Variants in FABP6 observed in about 807,000 individuals in gnomAD.
FABP6 encodes fatty acid binding protein 6, also known as gastrotropin.
In FABP6, 13 loss-of-function variants were observed where a neutral mutation model predicts 14.9. The observed-to-expected ratio is 0.87, with a 90% CI of 0.57 to 1.39. The LOEUF (loss-of-function observed/expected upper bound fraction) is 1.39, where lower values mean the gene tolerates loss of function less well. Ranked by LOEUF, FABP6 falls within the 40% of genes most tolerant of loss-of-function variation. The pLI, the probability that FABP6 is intolerant of heterozygous loss-of-function variation, is 0.00. For missense variants in FABP6, 161 were observed against 167.2 expected (o/e 0.96, Z 0.20); for synonymous variants, 75 against 63.6 (o/e 1.18, Z -0.85).
intron 3 of FABP6, 92 bp from the exon 4 acceptor site, chr5:160,238,514 G>C (rs543092114): frequency 9.2e-7 from 1 of 1,084,400 alleles, no homozygotes; most frequent in South Asian, 1.3e-5. Context: ...TCTACTCAAG[G>C]CCGGGGTTGG....
intron 2 of FABP6, chr5:160,204,686 T>C (rs1214510689): frequency 1.3e-5 from 2 of 152,252 alleles, no homozygotes; most frequent in Admixed American, 1.3e-4. Context: ...AGACGGGGTT[T>C]CGCCATATTG....
intron 2 of FABP6, among the ~76,000 whole-genome samples, chr5:160,205,595 C>G (rs1424043575): frequency 2.6e-5 from 4 of 152,214 alleles, no homozygotes. Context: ...CTTAGTCCCT[C>G]TGATGGAGAT....
intron 1 of FABP6, among the ~76,000 whole-genome samples, chr5:160,189,865 T>G (rs1759361610): frequency 6.6e-6 from 1 of 152,210 alleles, no homozygotes; most frequent in Admixed American, 6.6e-5. Flanking sequence ...AGATGTGGAC[T>G]TAGAGATTTG....
At chr5:160,199,292 C>G in intron 2 of FABP6, 1 of 863,400 alleles carries the variant, frequency 1.2e-6, no homozygotes, top group Non-Finnish European at 1.9e-6. Context: ...GTCATGGCTC[C>G]AAAGCCCTTT....
intron 2 of FABP6, among the ~76,000 whole-genome samples, chr5:160,202,410 A>T (rs1010900222): frequency 6.6e-6 from 1 of 152,220 alleles, no homozygotes; most frequent in African/African-American, 2.4e-5. Flanking sequence ...CTCCATACTG[A>T]TCAACATGGC....
At position 160,232,273 on chromosome 5, in the gene FABP6, G is replaced by C; in HGVS notation, c.243G>C (p.Lys81Asn). ...AGACAATGGGGGGCAAGACGTTCAA[G>C]GTGAGAGGCCACTGGCTGTCCCCCT... The part of the protein sequence containing the change: ...NIQTMGGKTF[K>N]ATVQMEGGKL... Residue 81 changes from lysine to asparagine, a missense_variant and splice_region_variant, in exon 2 of 4, where the codon AAG becomes AAC. Coordinates refer to ENST00000402432, the MANE Select transcript of FABP6 (RefSeq NM_001445.3). 6.2e-7 allele frequency: 1 copy of C among 1,600,118 alleles called. No individual in the cohort carries two copies. Among genetic ancestry groups the C allele is most frequent in the East Asian group, 2.3e-5 (1 of 43,980 alleles).
intron 3 of FABP6, among the ~76,000 whole-genome samples, 170 bp downstream of exon 3, chr5:160,235,079 CT>C (rs1396932403): frequency 2.6e-5 from 4 of 152,210 alleles, no homozygotes; most frequent in African/African-American, 9.7e-5. Context: ...CAAAATAACC[CT>C]GTTAGGTGGG....
chr5:160,192,845 C>T (rs1759425265), intron 1 of FABP6, among the ~76,000 whole-genome samples: 2 of 152,256 alleles, frequency 1.3e-5, no homozygotes. Flanking sequence ...GGGTTGATGG[C>T]TCATGCCTGT....
chr5:160,203,521 G>A (rs1454929462), intron 2 of FABP6, among the ~76,000 whole-genome samples: 1 of 151,952 alleles, frequency 6.6e-6, no homozygotes, highest in African/African-American at 2.4e-5. Flanking sequence ...TTTATTTAAC[G>A]ATGCTCACCT....
At chr5:160,213,668 G>A in intron 2 of FABP6, 1 of 1,340,050 alleles carries the variant, frequency 7.5e-7, no homozygotes, top group South Asian at 1.2e-5. Context: ...CCTGCACAGA[G>A]CTGATTGGAC....
At chr5:160,194,900 CA>C in intron 1 of FABP6, among the ~76,000 whole-genome samples, 1 of 152,202 alleles carries the variant, frequency 6.6e-6, no homozygotes, top group Non-Finnish European at 1.5e-5. Flanking sequence ...GCACCCAGTG[CA>C]GTGCTCAGTA....
intron 3 of FABP6, 65 bp downstream of exon 3, chr5:160,234,974 T>C (rs1760474847): frequency 6.9e-7 from 1 of 1,447,600 alleles, no homozygotes; most frequent in Non-Finnish European, 9.6e-7. Context: ...CCACAGCCCC[T>C]CAGAAGTAGG....
intron 2 of FABP6, among the ~76,000 whole-genome samples, chr5:160,205,276 C>A (rs748137109): frequency 3.5e-5 from 5 of 144,768 alleles, no homozygotes; most frequent in Non-Finnish European, 7.5e-5. Flanking sequence ...CGAGATCGCA[C>A]CACTGCACTT....
At chr5:160,208,289 T>C (rs2113095966) in intron 2 of FABP6, among the ~76,000 whole-genome samples, 1 of 151,710 alleles carries the variant, frequency 6.6e-6, no homozygotes, top group African/African-American at 2.4e-5. Flanking sequence ...AAAAAAAAAA[T>C]TAGTCAGGTG....
upstream of FABP6, chr5:160,228,378 T>C (rs1760296820): frequency 4.4e-6 from 2 of 453,660 alleles, no homozygotes; most frequent in South Asian, 3.1e-5. Flanking sequence ...GAAACAAGAG[T>C]GAAACTCCAT....
upstream of FABP6, among the ~76,000 whole-genome samples, chr5:160,227,042 A>T (rs549395213): frequency 1.3e-5 from 2 of 152,220 alleles, no homozygotes; most frequent in Non-Finnish European, 2.9e-5. Context: ...TAATAGGAAA[A>T]GATTGGAAAC....
rs1369851326 is a variant in FABP6, at chr5:160,209,290, G to A, written c.52-4446G>A. On this transcript the variant is annotated intron_variant, in intron 2 of 6. Coordinates refer to the FABP6 transcript ENST00000393980. ...CCAGAACCTTGGGAGGCCAAGGCAG[G>A]CAAATCACTTGAGCCCAGGAGTTTG... 2.6e-5 allele frequency among the ~76,000 whole-genome samples: 4 copies of A among 151,910 alleles called. No individual in the cohort carries two copies. In the South Asian group the frequency reaches 6.2e-4, roughly 24 times the overall value.
intron 1 of FABP6, among the ~76,000 whole-genome samples, chr5:160,187,814 G>A (rs1759316342): frequency 1.3e-5 from 2 of 151,960 alleles, no homozygotes; most frequent in African/African-American, 4.8e-5. Context: ...GTGCAATGGC[G>A]CTATCTCGGC....
At chr5:160,205,437 C>T (rs1759742735) in intron 2 of FABP6, among the ~76,000 whole-genome samples, 2 of 152,010 alleles carry the variant, frequency 1.3e-5, no homozygotes, top group African/African-American at 4.8e-5. Context: ...AGTGTGCACA[C>T]TCCTTTATCA....
Sources: allele counts gnomAD v4.1 joint callset (sites outside exome capture counted in the v4.1 genomes callset), GRCh38; gene constraint gnomAD v4.1.1; transcripts MANE v1.5; gene names NCBI Gene and HGNC (gene_info 2026-07-23, HGNC 2026-07-21).